The following ARHGAP15 variants were observed in gnomAD, a reference collection of about 807,000 sequenced individuals.
ARHGAP15 encodes the protein Rho GTPase activating protein 15, also known as rho GTPase-activating protein 15.
ARHGAP15 carries 51 observed loss-of-function variants against 63.7 expected under a neutral mutation model. The observed-to-expected ratio is 0.80, with a 90% CI of 0.64 to 1.01. ARHGAP15 has a LOEUF of 1.01. Ranked by LOEUF, ARHGAP15 falls within the 50% of genes least tolerant of loss-of-function variation. The pLI, the probability that ARHGAP15 is intolerant of heterozygous loss-of-function variation, is 0.00. For missense variants in ARHGAP15, 560 were observed against 564.6 expected (o/e 0.99, Z 0.08); for synonymous variants, 191 against 193.8 (o/e 0.99, Z 0.12).
chr2:143,645,344 G>A (rs1680819299), intron 12 of ARHGAP15, among the ~76,000 whole-genome samples: 1 of 152,016 alleles, frequency 6.6e-6, no homozygotes, highest in South Asian at 2.1e-4. Context: ...TATTATGATT[G>A]TAGCAATTAA....
At chr2:143,441,946 A>G (rs1282910325) in intron 8 of ARHGAP15, among the ~76,000 whole-genome samples, 1 of 152,160 alleles carries the variant, frequency 6.6e-6, no homozygotes, top group Non-Finnish European at 1.5e-5. Context: ...TAATTAGGGT[A>G]TATGTATTTA....
At chr2:143,458,808 T>A (rs1690781367) in intron 8 of ARHGAP15, among the ~76,000 whole-genome samples, 1 of 152,108 alleles carries the variant, frequency 6.6e-6, no homozygotes, top group South Asian at 2.1e-4. Flanking sequence ...AATAGAGCAA[T>A]TTTTTTGGAA....
At chr2:143,371,653 G>A (rs1278837068) in intron 6 of ARHGAP15, among the ~76,000 whole-genome samples, 1 of 151,486 alleles carries the variant, frequency 6.6e-6, no homozygotes, top group Non-Finnish European at 1.5e-5. Flanking sequence ...TTTCTTTTTC[G>A]AGGCTAGCTT....
chr2:143,760,008 T>C (rs1005186088), intron 13 of ARHGAP15, among the ~76,000 whole-genome samples: 3 of 152,316 alleles, frequency 2.0e-5, no homozygotes, highest in South Asian at 2.1e-4. Context: ...AGTCACATTG[T>C]ATATTGCTTA....
intron 11 of ARHGAP15, among the ~76,000 whole-genome samples, chr2:143,586,137 CCCA>C (rs1481829448): frequency 6.6e-6 from 1 of 152,222 alleles, no homozygotes. Flanking sequence ...GGTCATTCCT[CCCA>C]CCACCACCCC....
At chr2:143,577,783 T>C (rs1388275389) in intron 11 of ARHGAP15, among the ~76,000 whole-genome samples, 1 of 152,106 alleles carries the variant, frequency 6.6e-6, no homozygotes, top group Non-Finnish European at 1.5e-5. Context: ...ACAAGCCCCC[T>C]ACATGGAGGT....
intron 6 of ARHGAP15, among the ~76,000 whole-genome samples, chr2:143,315,700 A>G (rs1479100228): frequency 6.6e-6 from 1 of 151,906 alleles, no homozygotes; most frequent in Non-Finnish European, 1.5e-5. Context: ...ACTAAAATCT[A>G]CTCTCTCCAA....
In ARHGAP15 at chr2:143,252,353, C is replaced by G. The variant is rs149219916; in HGVS notation, c.474+1753C>G. Among the ~76,000 whole-genome samples, 375 of 152,128 alleles carry G rather than the reference C, an allele frequency of 2.5e-3. 2 individuals carry two copies. The highest frequency in any genetic ancestry group is 8.1e-3 in the African/African-American group (337 of 41,544). ...TCATCCCAATCTTTTCAGGATATGA[C>G]TAATCACCTCCTGTTGCAATTTTCT... On this transcript the variant is annotated intron_variant, in intron 6 of 13. Coordinates refer to ENST00000295095, the MANE Select transcript of ARHGAP15 (RefSeq NM_018460.4).
chr2:143,673,758 G>GTGTGTGTATATATATA (rs1553520615), intron 12 of ARHGAP15, among the ~76,000 whole-genome samples: 7 of 22,126 alleles, frequency 3.2e-4, no homozygotes, highest in African/African-American at 5.7e-4. Context: ...GTGTGTGTGT[G>GTGTGTGTATATATATA]TATATATATA....
chr2:143,418,700 A>G (rs1688787349), intron 6 of ARHGAP15, among the ~76,000 whole-genome samples: 1 of 152,198 alleles, frequency 6.6e-6, no homozygotes, highest in South Asian at 2.1e-4. Context: ...TAACACATTT[A>G]TATGTAAATA....
At chr2:143,606,706 A>G (rs148719275) in intron 11 of ARHGAP15, 26 of 152,344 alleles carry the variant, frequency 1.7e-4, no homozygotes, top group Admixed American at 7.2e-4. Flanking sequence ...GAAATCCCAT[A>G]TGGTTTTGAT....
At chr2:143,189,814 G>A (rs1276779317) in intron 2 of ARHGAP15, among the ~76,000 whole-genome samples, 1 of 151,784 alleles carries the variant, frequency 6.6e-6, no homozygotes, top group Non-Finnish European at 1.5e-5. Context: ...TTTTGGGTTA[G>A]CTATTTTTTC....
At chr2:143,368,814 G>C (rs1280312566) in intron 6 of ARHGAP15, among the ~76,000 whole-genome samples, 1 of 152,056 alleles carries the variant, frequency 6.6e-6, no homozygotes, top group African/African-American at 2.4e-5. Flanking sequence ...TAGAAAAATA[G>C]AGCTGTGAAA....
At chr2:143,521,343 T>G (rs1006186073) in intron 10 of ARHGAP15, among the ~76,000 whole-genome samples, 8 of 152,226 alleles carry the variant, frequency 5.3e-5, no homozygotes, top group African/African-American at 1.9e-4. Flanking sequence ...TGTGTACTTT[T>G]GATTATAATT....
chr2:143,158,084 C>T (rs1690152625), intron 2 of ARHGAP15, among the ~76,000 whole-genome samples: 1 of 151,788 alleles, frequency 6.6e-6, no homozygotes, highest in South Asian at 2.1e-4. Context: ...TATGCAAATC[C>T]AGTATGACTT....
At chr2:143,136,545 C>T (rs995071892) in intron 1 of ARHGAP15, among the ~76,000 whole-genome samples, 8 of 151,606 alleles carry the variant, frequency 5.3e-5, no homozygotes, top group African/African-American at 2.0e-4. Flanking sequence ...GCAATGTTTA[C>T]AACCTTTTAG....
intron 6 of ARHGAP15, among the ~76,000 whole-genome samples, chr2:143,373,426 C>A (rs531540541): frequency 2.0e-5 from 3 of 151,866 alleles, no homozygotes; most frequent in African/African-American, 7.3e-5. Context: ...GTCAGGAGAT[C>A]GAGACCATCC....
chr2:143,463,557 A>T (rs1353312487), intron 8 of ARHGAP15, among the ~76,000 whole-genome samples: 1 of 150,982 alleles, frequency 6.6e-6, no homozygotes, highest in Non-Finnish European at 1.5e-5. Flanking sequence ...TGGGGGGGGA[A>T]GATGTCTTAT....
At chr2:143,432,476 C>T (rs1347008918) in intron 6 of ARHGAP15, among the ~76,000 whole-genome samples, 1 of 152,042 alleles carries the variant, frequency 6.6e-6, no homozygotes, top group Non-Finnish European at 1.5e-5. Context: ...AATTTCTTCG[C>T]TCTTCATCAG....
Sources: gnomAD v4.1 joint callset for allele counts (sites outside exome capture counted in the v4.1 genomes callset) on GRCh38, gnomAD v4.1.1 for gene constraint, MANE v1.5 for transcripts, NCBI Gene and HGNC (gene_info 2026-07-23, HGNC 2026-07-21) for gene names.